Variants in SGCD observed in about 807,000 individuals in gnomAD.
SGCD encodes sarcoglycan delta, also known as delta-sarcoglycan.
SGCD carries 18 observed loss-of-function variants against 36.6 expected under a neutral mutation model. The ratio of observed to expected loss-of-function variants is 0.49; its 90% CI spans 0.34 to 0.73. The LOEUF is 0.73. Ranked by LOEUF, SGCD falls within the 30% of genes least tolerant of loss-of-function variation. The probability of loss-of-function intolerance (pLI) is 0.01; values close to 1 mark genes in which losing one functional copy is unlikely to be tolerated. For missense variants in SGCD, 387 were observed against 346.7 expected, an observed-to-expected ratio of 1.12 and a Z score of -0.92; for synonymous variants, 133 against 130.6, an observed-to-expected ratio of 1.02 and a Z score of -0.12.
At chr5:155,855,474 T>A in the SGCD span, among the ~76,000 whole-genome samples, 12 of 152,284 alleles carry the variant, frequency 7.9e-5, no homozygotes, top group South Asian at 1.5e-3. Context: ...GTGGAATCCT[T>A]ACCTCAAAGT....
the SGCD span, among the ~76,000 whole-genome samples, chr5:155,777,156 T>C: frequency 2.0e-5 from 3 of 152,110 alleles, no homozygotes; most frequent in East Asian, 1.9e-4. Context: ...TTCTGGAACA[T>C]GGTTTTCTGC....
chr5:155,996,872 GAT>G (rs1758559920), intron 1 of SGCD, among the ~76,000 whole-genome samples: 1 of 90,188 alleles, frequency 1.1e-5, no homozygotes, highest in Admixed American at 1.1e-4. Flanking sequence ...TGGATAGATA[GAT>G]AGATAGATAG....
intron 1 of SGCD, among the ~76,000 whole-genome samples, chr5:155,942,192 C>T (rs564400903): frequency 6.6e-6 from 1 of 152,160 alleles, no homozygotes; most frequent in Non-Finnish European, 1.5e-5. Flanking sequence ...TGGACAAAAG[C>T]AAACAAATTG....
At chr5:156,359,733 C>A (rs1408429368) in intron 3 of SGCD, among the ~76,000 whole-genome samples, 1 of 152,190 alleles carries the variant, frequency 6.6e-6, no homozygotes, top group Non-Finnish European at 1.5e-5. Flanking sequence ...AAGATGCACT[C>A]ATTTCTGGAA....
the SGCD span, among the ~76,000 whole-genome samples, chr5:155,849,444 GCGCACA>G: frequency 2.2e-5 from 3 of 136,606 alleles, no homozygotes; most frequent in African/African-American, 7.6e-5. Context: ...ACATGTGCGC[GCGCACA>G]CACACACACA....
chr5:156,147,018 C>T lies in SGCD; in HGVS notation c.-44+22999C>T, dbSNP rs529593053. Among the ~76,000 whole-genome samples, 112 of 151,884 alleles carry T rather than the reference C, an allele frequency of 7.4e-4. 1 individual carries two copies. The highest frequency in any genetic ancestry group is 2.2e-3 in the African/African-American group (92 of 41,422). Reference sequence around the variant, plus strand: ...CTCATACAAATATATAATGAATGTACGGCAAAGGTTTTATTCAGCTCATTA... The same window carrying T: ...CTCATACAAATATATAATGAATGTATGGCAAAGGTTTTATTCAGCTCATTA... On this transcript the variant is annotated intron_variant, in intron 3 of 9. Transcript: ENST00000517913.
chr5:155,959,300 T>G (rs1318786178), intron 1 of SGCD, among the ~76,000 whole-genome samples: 1 of 152,180 alleles, frequency 6.6e-6, no homozygotes, highest in Non-Finnish European at 1.5e-5. Flanking sequence ...CCAGGAGGCC[T>G]GGGCCAGTGC....
intron 7 of SGCD, among the ~76,000 whole-genome samples, chr5:156,728,505 T>C (rs1755890317): frequency 2.5e-5 from 1 of 39,864 alleles, no homozygotes; most frequent in South Asian, 9.5e-4. Context: ...AGCGAGACTC[T>C]GTCAAAAAAA....
At chr5:156,079,281 C>G (rs1400000130) in intron 1 of SGCD, among the ~76,000 whole-genome samples, 1 of 152,128 alleles carries the variant, frequency 6.6e-6, no homozygotes, top group Non-Finnish European at 1.5e-5. Flanking sequence ...TCCCACCAGG[C>G]CCCACCTCCA....
At chr5:156,250,901 T>C (rs971185795) in intron 3 of SGCD, among the ~76,000 whole-genome samples, 5 of 152,042 alleles carry the variant, frequency 3.3e-5, no homozygotes, top group African/African-American at 1.2e-4. Context: ...AAGTATCTTG[T>C]TGCTCTTTTA....
chr5:156,579,056 T>C (rs1233045289), intron 4 of SGCD, among the ~76,000 whole-genome samples: 1 of 152,368 alleles, frequency 6.6e-6, no homozygotes, highest in South Asian at 2.1e-4. Flanking sequence ...TTTAGTGCTA[T>C]AAATTTCCCT....
At chr5:156,091,803 A>G (rs1445458793) in intron 1 of SGCD, among the ~76,000 whole-genome samples, 1 of 152,226 alleles carries the variant, frequency 6.6e-6, no homozygotes, top group Non-Finnish European at 1.5e-5. Flanking sequence ...TCAATACCTC[A>G]TGAGGCATGA....
At chr5:155,987,734 C>A (rs1758358512) in intron 1 of SGCD, among the ~76,000 whole-genome samples, 1 of 152,172 alleles carries the variant, frequency 6.6e-6, no homozygotes, top group African/African-American at 2.4e-5. Context: ...GAAAACACTC[C>A]ATTCTTCCTC....
At chr5:156,471,047 G>A (rs930678426) in intron 3 of SGCD, among the ~76,000 whole-genome samples, 4 of 152,124 alleles carry the variant, frequency 2.6e-5, no homozygotes, top group African/African-American at 9.7e-5. Context: ...GGCAGCATTA[G>A]CTGGGTGACT....
intron 4 of SGCD, among the ~76,000 whole-genome samples, chr5:156,525,505 G>A (rs1235366790): frequency 6.6e-6 from 1 of 150,878 alleles, no homozygotes. Flanking sequence ...TTTCAAATAT[G>A]TTCTCACATT....
At chr5:156,692,627 A>G (rs1455218395) in intron 7 of SGCD, among the ~76,000 whole-genome samples, 1 of 152,206 alleles carries the variant, frequency 6.6e-6, no homozygotes, top group African/African-American at 2.4e-5. Context: ...GAAGCAAATC[A>G]CAGACATCAT....
At chr5:156,604,176 C>T (rs1761320766) in intron 6 of SGCD, among the ~76,000 whole-genome samples, 1 of 151,812 alleles carries the variant, frequency 6.6e-6, no homozygotes, top group Non-Finnish European at 1.5e-5. Flanking sequence ...CAGTTTTTGA[C>T]TTAAAGTCTA....
intron 1 of SGCD, among the ~76,000 whole-genome samples, chr5:156,024,957 C>CAAA (rs34607261): frequency 8.0e-6 from 1 of 124,522 alleles, no homozygotes; most frequent in African/African-American, 3.0e-5. Flanking sequence ...GACTCCATCT[C>CAAA]AAAAAAAAAA....
At chr5:155,782,141 C>T in the SGCD span, among the ~76,000 whole-genome samples, 1 of 151,516 alleles carries the variant, frequency 6.6e-6, no homozygotes, top group Non-Finnish European at 1.5e-5. Context: ...TCTCCTGCTT[C>T]AGCCTCCTGA....
Sources: gnomAD v4.1 joint callset for allele counts (sites outside exome capture counted in the v4.1 genomes callset) on GRCh38, gnomAD v4.1.1 for gene constraint, MANE v1.5 for transcripts, NCBI Gene and HGNC (gene_info 2026-07-23, HGNC 2026-07-21) for gene names.